Variants in KDM4B observed in about 807,000 individuals in gnomAD.
The protein encoded by KDM4B is lysine-specific demethylase 4B.
Under a neutral mutation model 125.2 loss-of-function variants are expected in KDM4B, and 32 were observed. That is an observed-to-expected ratio of 0.26 (90% CI 0.19 to 0.34). KDM4B has a LOEUF of 0.34. Among genes scored for constraint, KDM4B ranks in the 10% least tolerant of loss-of-function variants. The pLI, the probability that KDM4B is intolerant of heterozygous loss-of-function variation, is 1.00. For synonymous variants in KDM4B, 721 were observed against 677.9 expected (o/e 1.06, Z -0.99); for missense variants, 1,190 against 1,577.7 (o/e 0.75, Z 4.16).
At chr19:4,987,574 G>C (rs1421486642) in intron 1 of KDM4B, among the ~76,000 whole-genome samples, 1 of 152,198 alleles carries the variant, frequency 6.6e-6, no homozygotes, top group Non-Finnish European at 1.5e-5. Context: ...TGGTCATGCT[G>C]ATCTTAGCTG....
intron 21 of KDM4B, among the ~76,000 whole-genome samples, chr19:5,146,199 C>A (rs905882378): frequency 3.3e-5 from 5 of 150,360 alleles, no homozygotes; most frequent in Admixed American, 1.3e-4. Flanking sequence ...CGGCCCCGCC[C>A]GGTCACTGCT....
At chr19:5,031,285 A>C (rs902224100) in intron 2 of KDM4B, among the ~76,000 whole-genome samples, 1 of 152,210 alleles carries the variant, frequency 6.6e-6, no homozygotes, top group African/African-American at 2.4e-5. Flanking sequence ...GGCCCCGCGC[A>C]GTCAGAGGCT....
chr19:5,090,294 C>T lies in KDM4B; in HGVS notation c.918+7790C>T, dbSNP rs911901449. Among the ~76,000 whole-genome samples, 7 of 151,612 alleles carry T rather than the reference C, an allele frequency of 4.6e-5. 1 individual carries two copies. The highest frequency in any genetic ancestry group is 1.5e-4 in the African/African-American group (6 of 41,196). On this transcript the variant is annotated intron_variant, in intron 9 of 22. Coordinates refer to ENST00000159111, the MANE Select transcript of KDM4B (RefSeq NM_015015.3). ...AGGCTGAGGCTTAGGGTGCAGTACC[C>T]GGTTCGTTTTGAGAAGTCTCTTTCT...
chr19:5,064,682 G>A (rs769183709), intron 6 of KDM4B, among the ~76,000 whole-genome samples: 1 of 152,204 alleles, frequency 6.6e-6, no homozygotes, highest in East Asian at 1.9e-4. Flanking sequence ...TGCCAGGCAG[G>A]GGCCACTGCC....
chr19:5,052,585 C>T lies in KDM4B; in HGVS notation c.626+4916C>T, dbSNP rs575333312. 9.8e-5 allele frequency among the ~76,000 whole-genome samples: 15 copies of T among 152,362 alleles called. 1 individual carries two copies. In the South Asian group the frequency reaches 2.9e-3, roughly 29 times the overall value. ...CCCCTCAGGACCTCCCTGGCCCACC[C>T]GCCTCCCAGCTCCATCTCCTGCTGG... is the stretch of plus-strand genomic sequence containing the variant. On this transcript the variant is annotated intron_variant, in intron 6 of 22. Coordinates refer to ENST00000159111, the MANE Select transcript of KDM4B (RefSeq NM_015015.3).
At chr19:5,043,144 C>CTA in intron 5 of KDM4B, among the ~76,000 whole-genome samples, 1 of 151,484 alleles carries the variant, frequency 6.6e-6, no homozygotes. Flanking sequence ...CCACCTTGTC[C>CTA]CGAGTGGTGT....
intron 10 of KDM4B, among the ~76,000 whole-genome samples, chr19:5,117,983 A>G (rs1214255690): frequency 6.6e-6 from 1 of 152,038 alleles, no homozygotes; most frequent in Admixed American, 6.5e-5. Flanking sequence ...GAGGCGCCCC[A>G]GAAGCCAGCA....
chr19:5,036,806 G>T (rs760949562), intron 3 of KDM4B, among the ~76,000 whole-genome samples: 86 of 152,358 alleles, frequency 5.6e-4, no homozygotes, highest in Non-Finnish European at 7.2e-4. Context: ...TTTGCGTCTC[G>T]GCAGATTGTG....
At position 5,131,518 on chromosome 19, in the gene KDM4B, G is replaced by T. The variant is rs758117483; in HGVS notation, c.1758G>T (p.Glu586Asp). The T allele has an allele frequency of 5.0e-6, 7 of 1,410,320 alleles. No individual in the cohort carries two copies. The highest frequency in any genetic ancestry group is 6.6e-6 in the Non-Finnish European group (7 of 1,065,952). The allele number at this position is 1,410,320 out of a possible 1,614,324, so 87.4% of individuals were successfully genotyped here. ...CCAGCAGTGGGGCAGGTCGCATGGAGACCAAAGCCCGGGCCGGAGAGGGGC... is the reference window on the plus strand; with the variant it reads ...CCAGCAGTGGGGCAGGTCGCATGGATACCAAAGCCCGGGCCGGAGAGGGGC... ...GAASSGAGRMETKARAGEGQA... is the reference protein window; with the variant it reads ...GAASSGAGRMDTKARAGEGQA... Residue 586 changes from glutamate to aspartate, a missense_variant, in exon 12 of 23, where the codon GAG becomes GAT. Glu to Asp is a conservative substitution (Grantham distance 45). This residue lies in a region of KDM4B where 428 missense variants were observed against 405.1 expected (regional missense o/e 1.06). Coordinates refer to ENST00000159111, the MANE Select transcript of KDM4B (RefSeq NM_015015.3).
At chr19:5,014,578 G>A (rs752006039) in intron 1 of KDM4B, among the ~76,000 whole-genome samples, 1 of 152,014 alleles carries the variant, frequency 6.6e-6, no homozygotes, top group African/African-American at 2.4e-5. Flanking sequence ...CCTGGCCTAA[G>A]TTTTAAATTT....
chr19:5,030,047 C>T (rs530201587), intron 2 of KDM4B, among the ~76,000 whole-genome samples: 7 of 152,326 alleles, frequency 4.6e-5, no homozygotes, highest in East Asian at 3.9e-4. Context: ...GCTGTGGCCA[C>T]GTGCTTTCCA....
At chr19:4,990,378 G>A (rs1385639838) in intron 1 of KDM4B, among the ~76,000 whole-genome samples, 1 of 152,208 alleles carries the variant, frequency 6.6e-6, no homozygotes, top group Non-Finnish European at 1.5e-5. Flanking sequence ...ACACTTGTGT[G>A]GAGCCCGAGG....
At chr19:4,985,385 C>T (rs563874550) in intron 1 of KDM4B, among the ~76,000 whole-genome samples, 4 of 152,342 alleles carry the variant, frequency 2.6e-5, no homozygotes, top group Admixed American at 1.3e-4. Context: ...CTGCCGTCAT[C>T]TCCAGTGAGC....
At chr19:5,121,368 A>G (rs1420950627) in intron 11 of KDM4B, among the ~76,000 whole-genome samples, 1 of 152,208 alleles carries the variant, frequency 6.6e-6, no homozygotes, top group Non-Finnish European at 1.5e-5. Context: ...GAGGACAGAA[A>G]AGGCATCGTG....
chr19:5,032,566 A>ACCTTTCTCT (rs1333459812), intron 2 of KDM4B, among the ~76,000 whole-genome samples: 1 of 151,676 alleles, frequency 6.6e-6, no homozygotes, highest in Non-Finnish European at 1.5e-5. Context: ...TGATACGTAA[A>ACCTTTCTCT]CCTTTCTCTC....
At chr19:5,036,388 C>T (rs2036627219) in intron 3 of KDM4B, among the ~76,000 whole-genome samples, 1 of 152,224 alleles carries the variant, frequency 6.6e-6, no homozygotes, top group African/African-American at 2.4e-5. Flanking sequence ...GCCCTGGGTG[C>T]AGGAAGCCTT....
intron 6 of KDM4B, among the ~76,000 whole-genome samples, chr19:5,061,168 GCGAGAGC>G (rs2037583952): frequency 6.6e-6 from 1 of 152,196 alleles, no homozygotes; most frequent in Non-Finnish European, 1.5e-5. Context: ...GGCTGGCCCT[GCGAGAGC>G]CGAGAGCTCT....
chr19:5,121,547 G>T (rs1183993870), intron 11 of KDM4B, among the ~76,000 whole-genome samples: 1 of 152,164 alleles, frequency 6.6e-6, no homozygotes, highest in South Asian at 2.1e-4. Context: ...CCTCATCTGC[G>T]AGCCGCTCGC....
rs1399089435 is a variant in KDM4B, at chr19:5,078,403, T to C, written c.780+933T>C. On this transcript the variant is annotated intron_variant, in intron 8 of 22. Transcript: ENST00000159111. The surrounding 1 kb of genome is among the most constrained non-coding windows in gnomAD (Gnocchi z 4.5). ...AACCGCCAAAGCATCAGCTCACACA[T>C]CGGGGATCCGCTCTTCCTGGCGGGG... The C allele has an allele frequency of 6.6e-6, 1 of 151,980 alleles. No homozygotes were observed. The highest frequency in any genetic ancestry group is 2.4e-5 in the African/African-American group (1 of 41,348). The allele number at this position is 151,980 out of a possible 1,614,324, so 9.4% of individuals were successfully genotyped here.
Sources: allele counts gnomAD v4.1 joint callset (sites outside exome capture counted in the v4.1 genomes callset), GRCh38; gene constraint gnomAD v4.1.1; regional missense constraint gnomAD v4.1.1; non-coding constraint Gnocchi (gnomAD v3.1); transcripts MANE v1.5; gene names NCBI Gene and HGNC (gene_info 2026-07-23, HGNC 2026-07-21).